Variants in GSDMD observed in about 807,000 individuals in gnomAD.
GSDMD encodes the protein gasdermin-D.
GSDMD carries 46 observed loss-of-function variants against 46.7 expected under a neutral mutation model. The observed-to-expected ratio is 0.99, with a 90% CI of 0.78 to 1.26. The LOEUF (loss-of-function observed/expected upper bound fraction) is 1.26. Among genes scored for constraint, GSDMD ranks in the 50% most tolerant of loss-of-function variants. The pLI is 0.00. For missense variants in GSDMD, 649 were observed against 638.8 expected (o/e 1.02, Z -0.17); for synonymous variants, 307 against 283.1 (o/e 1.08, Z -0.85).
At chr8:143,553,488 C>G (rs1225012197), upstream of GSDMD, 4 of 146,660 alleles carry the variant, frequency 2.7e-5, no homozygotes, top group African/African-American at 9.7e-5. Context: ...CGGATCTGGC[C>G]CAGGGCGCCT....
chr8:143,558,598 C>A, intron 1 of GSDMD, 147 bp downstream of exon 1: 1 of 847,436 alleles, frequency 1.2e-6, no homozygotes, highest in Non-Finnish European at 1.7e-6. Flanking sequence ...AAGCTCCAGG[C>A]TTCGGGAAAG....
At position 143,559,787 on chromosome 8, in the gene GSDMD, T is replaced by C; in HGVS notation, c.228T>C (p.Arg76=). Residue 76 remains arginine, a synonymous_variant, in exon 3 of 11, where the codon CGT becomes CGC. Coordinates refer to ENST00000262580, the MANE Select transcript of GSDMD (RefSeq NM_024736.7). ...EPDAAEPDVQ[R]GRSFHFYDAM... is the part of the protein sequence containing the mutation. ...CTGGCCTTGCTTTAGACGTGCAGCG[T>C]GGCAGGAGCTTCCACTTCTACGATG... is the stretch of plus-strand genomic sequence containing the variant. 6.2e-7 allele frequency: 1 copy of C among 1,600,044 alleles called. No homozygotes were observed. The highest frequency in any genetic ancestry group is 8.5e-7 in the Non-Finnish European group (1 of 1,173,250).
At chr8:143,558,565 C>T (rs1823367030) in intron 1 of GSDMD, 114 bp downstream of exon 1, 16 of 1,062,514 alleles carry the variant, frequency 1.5e-5, no homozygotes, top group Non-Finnish European at 1.8e-5. Context: ...GCCCAGAAGG[C>T]CCCGCGCCGC....
upstream of GSDMD, among the ~76,000 whole-genome samples, chr8:143,557,700 C>T (rs1563903207): frequency 6.6e-6 from 1 of 152,338 alleles, no homozygotes. Flanking sequence ...CTCCACGTGC[C>T]CCCCGCGCTG....
intron 4 of GSDMD, 88 bp from the exon 5 acceptor site, chr8:143,560,914 C>T (rs752277498): frequency 1.2e-5 from 17 of 1,448,200 alleles, no homozygotes; most frequent in Middle Eastern, 3.7e-4. Flanking sequence ...AGTCACCTGG[C>T]GGCGGGCCTG....
rs776045937 is a variant in GSDMD at position 143,559,785 on chromosome 8, C to T, written c.226C>T (p.Arg76Cys). Residue 76 changes from arginine (R) to cysteine (C), a missense_variant, in exon 3 of 11, where the codon CGT (arginine) becomes TGT (cysteine). Transcript: ENST00000262580. ...GTCTGGCCTTGCTTTAGACGTGCAGCGTGGCAGGAGCTTCCACTTCTACGA... is the reference window on the plus strand; with the variant it reads ...GTCTGGCCTTGCTTTAGACGTGCAGTGTGGCAGGAGCTTCCACTTCTACGA... Reference protein sequence around the residue: ...EPDAAEPDVQRGRSFHFYDAM... With the variant: ...EPDAAEPDVQCGRSFHFYDAM... 19 of 1,596,904 alleles carry T rather than the reference C, an allele frequency of 1.2e-5. No individual in the cohort carries two copies. Among genetic ancestry groups the T allele is most frequent in the Middle Eastern group, 1.8e-4 (1 of 5,552 alleles).
Position 143,559,512 on chromosome 8 carries a change from GTC to G in GSDMD, c.179_180del (p.Ser60TyrfsTer52), listed in dbSNP as rs781595414. 10 of 1,612,888 alleles carry G rather than the reference GTC, an allele frequency of 6.2e-6. No homozygotes were observed. The highest frequency in any genetic ancestry group is 8.5e-6 in the Non-Finnish European group (10 of 1,180,000). On this transcript the variant is annotated frameshift_variant, in exon 2 of 11. Coordinates refer to ENST00000262580, the MANE Select transcript of GSDMD (RefSeq NM_024736.7). LOFTEE classifies it high-confidence loss of function. ...AACCCCGTTATAAGTGTGTCAACCT[GTC>G]TATCAAGGACATCCTGGAGCCGGAT... ...WKPRYKCVNL[S>X]IKDILEPDAA...
chr8:143,560,837 C>T lies in GSDMD; in HGVS notation c.579+66C>T, dbSNP rs1172965099. 13 of 1,450,230 alleles carry T rather than the reference C, an allele frequency of 9.0e-6. No homozygotes were observed. The Admixed American group carries it at 1.1e-4, about 13-fold the overall frequency. The allele number at this position is 1,450,230 out of a possible 1,614,324, so 89.8% of individuals were successfully genotyped here. The stretch of plus-strand genomic sequence containing the variant: ...GGCATGCGGCGGCGGGTGACGGAGG[C>T]GGCGGGCTGGGCTCCGCCAAGGCCC... On this transcript the variant is annotated intron_variant, in intron 4 of 10. Coordinates refer to ENST00000262580, the MANE Select transcript of GSDMD (RefSeq NM_024736.7).
chr8:143,561,010 C>T lies in GSDMD; in HGVS notation c.588C>T (p.Gly196=). Residue 196 remains glycine, a synonymous_variant, in exon 5 of 11, where the codon GGC becomes GGT. Coordinates refer to ENST00000262580, the MANE Select transcript of GSDMD (RefSeq NM_024736.7). ...LPGATCLQGE[G]QGHLSQKKTV... is the part of the protein sequence containing the mutation. The stretch of plus-strand genomic sequence containing the variant: ...CCATCTCCATGCCTCAGGGTGAGGG[C>T]CAGGGCCATCTGAGCCAGAAGAAGA... 1 of 1,611,678 alleles carries T rather than the reference C, an allele frequency of 6.2e-7. No individual in the cohort carries two copies. Among genetic ancestry groups the T allele is most frequent in the Non-Finnish European group, 8.5e-7 (1 of 1,179,212 alleles).
chr8:143,558,230 A>G (rs1439618188), upstream of GSDMD: 3 of 1,254,654 alleles, frequency 2.4e-6, no homozygotes, highest in African/African-American at 4.7e-5. Context: ...GTTCCTCCGG[A>G]CGCGCGAGGC....
intron 4 of GSDMD, 101 bp from the exon 5 acceptor site, chr8:143,560,901 C>A: frequency 7.0e-7 from 1 of 1,438,542 alleles, no homozygotes; most frequent in Non-Finnish European, 9.4e-7. Context: ...GCTGCGGAGC[C>A]GAAGTCACCT....
In GSDMD at chr8:143,561,736, G is replaced by A; in HGVS notation, c.737-6G>A. On this transcript the variant is annotated splice_region_variant and splice_polypyrimidine_tract_variant and intron_variant, in intron 6 of 10. Transcript: ENST00000262580. ...ACCAGCCCTGCCCTCCCATGCCCCT[G>A]CCCAGGCCACAAGCGTTCCACGAGC... The A allele has an allele frequency of 6.2e-7, 1 of 1,603,224 alleles. No homozygotes were observed. Among genetic ancestry groups the A allele is most frequent in the Non-Finnish European group, 8.5e-7 (1 of 1,175,710 alleles).
At position 143,562,948 on chromosome 8, in the gene GSDMD, T is replaced by C; in HGVS notation, c.*44T>C. On this transcript the variant is annotated 3_prime_UTR_variant, in exon 11 of 11. Coordinates refer to ENST00000262580, the MANE Select transcript of GSDMD (RefSeq NM_024736.7). ...CTGGCAGCTCTCCAGCAGGGCAGAG[T>C]GTTTGCCCACCAGCTGCTAGCCCTA... is the stretch of plus-strand genomic sequence containing the variant. 6.2e-7 allele frequency: 1 copy of C among 1,608,382 alleles called. No individual in the cohort carries two copies. Among genetic ancestry groups the C allele is most frequent in the Non-Finnish European group, 8.5e-7 (1 of 1,179,110 alleles).
intron 6 of GSDMD, 48 bp from the exon 7 acceptor site, chr8:143,561,694 A>G: frequency 6.8e-7 from 1 of 1,465,750 alleles, no homozygotes; most frequent in Non-Finnish European, 9.4e-7. Flanking sequence ...TGGCTCAGAC[A>G]CCCTTCCCCG....
upstream of GSDMD, chr8:143,558,055 G>A (rs1016675331): frequency 1.3e-5 from 5 of 392,590 alleles, no homozygotes; most frequent in Admixed American, 3.7e-5. Context: ...CCACCACGCC[G>A]GGCTAATTTT....
intron 1 of GSDMD, 39 bp from the exon 2 acceptor site, chr8:143,559,293 C>A (rs1381891362): frequency 1.2e-6 from 1 of 869,314 alleles, no homozygotes; most frequent in Admixed American, 2.1e-5. Context: ...CTCCCGCCCG[C>A]CCCGAGAGCA....
chr8:143,562,920 G>A lies in GSDMD; in HGVS notation c.*16G>A. 6.2e-7 allele frequency: 1 copy of A among 1,611,644 alleles called. No individual in the cohort carries two copies. On this transcript the variant is annotated 3_prime_UTR_variant, in exon 11 of 11. Transcript: ENST00000262580. ...GCCCCACTAGCCTGTGCCCGGGCAT[G>A]GCCTGGCAGCTCTCCAGCAGGGCAG...
At position 143,559,510 on chromosome 8, in the gene GSDMD, C is replaced by T. The variant is rs148082952; in HGVS notation, c.175C>T (p.Leu59=). ...GAAACCCCGTTATAAGTGTGTCAAC[C>T]TGTCTATCAAGGACATCCTGGAGCC... ...FWKPRYKCVN[L]SIKDILEPDA... The change falls in exon 2 of 11, where the codon CTG becomes TTG. Residue 59 remains leucine (L), a synonymous_variant. Transcript: ENST00000262580. 3.1e-6 allele frequency: 5 copies of T among 1,612,772 alleles called. No individual in the cohort carries two copies. In the African/African-American group the frequency reaches 6.7e-5, roughly 22 times the overall value.
rs779517678 is a variant in GSDMD at position 143,561,094 on chromosome 8, C to T, written c.672C>T (p.Asp224=). 1.6e-5 allele frequency: 26 copies of T among 1,612,844 alleles called. No homozygotes were observed. The South Asian group carries it at 2.4e-4, about 15-fold the overall frequency. ...LAFRVAQLVI[D]SDLDVLLFPD... ...TCCGGGTGGCCCAGCTGGTTATTGA[C>T]TCTGACTTGGGTGAGCTGGAGTTGG... The change falls in exon 5 of 11, where the codon GAC becomes GAT. Residue 224 remains aspartate, a synonymous_variant. Transcript: ENST00000262580.
Sources: gnomAD v4.1 joint callset for allele counts (sites outside exome capture counted in the v4.1 genomes callset) on GRCh38, gnomAD v4.1.1 for gene constraint, MANE v1.5 for transcripts, NCBI Gene and HGNC (gene_info 2026-07-23, HGNC 2026-07-21) for gene names.